LRRC49: variants seen among roughly 807,000 people sequenced by gnomAD.
The protein encoded by LRRC49 is leucine-rich repeat-containing protein 49.
LRRC49 carries 50 observed loss-of-function variants against 83.3 expected under a neutral mutation model. That is an observed-to-expected ratio of 0.60 (90% confidence interval 0.48 to 0.76). The LOEUF (loss-of-function observed/expected upper bound fraction) is 0.76. Ranked by LOEUF, LRRC49 falls within the 30% of genes least tolerant of loss-of-function variation. LRRC49 has a pLI of 0.00. For missense variants in LRRC49, 704 were observed against 809.1 expected (o/e 0.87, Z 1.58); for synonymous variants, 286 against 283.3 (o/e 1.01, Z -0.10).
chr15:70,882,597 G>T, intron 2 of LRRC49: 1 of 1,613,996 alleles, frequency 6.2e-7, no homozygotes, highest in Middle Eastern at 1.7e-4. Flanking sequence ...TCCTCTGTCT[G>T]AGTAGTTGCA....
intron 2 of LRRC49, among the ~76,000 whole-genome samples, chr15:70,883,696 C>A (rs1008763773): frequency 6.6e-6 from 1 of 150,890 alleles, no homozygotes; most frequent in Non-Finnish European, 1.5e-5. Context: ...TCACCCAGAC[C>A]GGAGTGCAGA....
At chr15:70,880,266 C>T (rs2033236659) in intron 2 of LRRC49, among the ~76,000 whole-genome samples, 1 of 152,208 alleles carries the variant, frequency 6.6e-6, no homozygotes, top group Non-Finnish European at 1.5e-5. Flanking sequence ...TTAACATCTT[C>T]TCCTACTTTG....
At chr15:71,026,825 G>A (rs1226416484) in intron 14 of LRRC49, among the ~76,000 whole-genome samples, 1 of 152,044 alleles carries the variant, frequency 6.6e-6, no homozygotes, top group Non-Finnish European at 1.5e-5. Context: ...TAAGTTCCTT[G>A]TAGATTCTGG....
intron 8 of LRRC49, among the ~76,000 whole-genome samples, chr15:70,939,049 A>G (rs1335948531): frequency 6.6e-6 from 1 of 152,204 alleles, no homozygotes; most frequent in African/African-American, 2.4e-5. Flanking sequence ...TTATTTTACT[A>G]TAGACAACAT....
intron 9 of LRRC49, among the ~76,000 whole-genome samples, chr15:70,975,675 A>G (rs2037180194): frequency 6.6e-6 from 1 of 152,176 alleles, no homozygotes; most frequent in South Asian, 2.1e-4. Flanking sequence ...CCTGGGGGAC[A>G]GAATGAGATC....
upstream of LRRC49, chr15:70,892,018 G>A (rs1165838376): frequency 6.2e-7 from 1 of 1,612,728 alleles, no homozygotes. Flanking sequence ...GGGTGGGCAC[G>A]GCGCCTGCCA....
chr15:70,984,368 C>A, intron 11 of LRRC49, 111 bp downstream of exon 11: 2 of 956,288 alleles, frequency 2.1e-6, no homozygotes, highest in Non-Finnish European at 1.5e-6. Context: ...CTTAAGAAAA[C>A]TTGCTGAAAT....
upstream of LRRC49, among the ~76,000 whole-genome samples, chr15:70,888,838 T>C (rs1595983285): frequency 3.3e-5 from 5 of 152,140 alleles, no homozygotes; most frequent in South Asian, 1.0e-3. Context: ...AATATCCAAT[T>C]AATATTTGAA....
chr15:70,986,535 C>A (rs919931811), intron 11 of LRRC49, among the ~76,000 whole-genome samples: 63 of 152,294 alleles, frequency 4.1e-4, no homozygotes, highest in African/African-American at 1.3e-3. Flanking sequence ...AGATTTTGGG[C>A]TGAGACATTG....
At chr15:70,949,668 C>A (rs1251160881) in intron 8 of LRRC49, among the ~76,000 whole-genome samples, 1 of 152,128 alleles carries the variant, frequency 6.6e-6, no homozygotes, top group African/African-American at 2.4e-5. Flanking sequence ...TACTTTAAAT[C>A]ATCTCTAGAT....
intron 9 of LRRC49, 114 bp downstream of exon 9, chr15:70,964,046 C>T (rs1378640357): frequency 9.7e-7 from 1 of 1,025,844 alleles, no homozygotes; most frequent in African/African-American, 1.6e-5. Flanking sequence ...TATGGGTTAT[C>T]ATGATTGTAT....
At chr15:71,003,331 C>A (rs1052808863) in intron 11 of LRRC49, among the ~76,000 whole-genome samples, 2 of 152,196 alleles carry the variant, frequency 1.3e-5, no homozygotes, top group Non-Finnish European at 2.9e-5. Flanking sequence ...TATTTGATTT[C>A]ATTCTGCCTG....
intron 9 of LRRC49, among the ~76,000 whole-genome samples, chr15:70,972,080 G>A (rs903665486): frequency 9.2e-5 from 14 of 152,026 alleles, no homozygotes; most frequent in African/African-American, 4.8e-5. Context: ...TCATAGTGTC[G>A]ATGGTCTTTA....
At chr15:70,906,464 C>G (rs966752080) in intron 5 of LRRC49, among the ~76,000 whole-genome samples, 1 of 152,172 alleles carries the variant, frequency 6.6e-6, no homozygotes, top group Non-Finnish European at 1.5e-5. Flanking sequence ...TGCAGTTATT[C>G]TTTAATATCA....
At chr15:71,032,238 C>T (rs1888675701) in intron 14 of LRRC49, among the ~76,000 whole-genome samples, 1 of 152,138 alleles carries the variant, frequency 6.6e-6, no homozygotes, top group African/African-American at 2.4e-5. Flanking sequence ...GAGGGAGATC[C>T]CTGGCTCCTT....
intron 1 of LRRC49, among the ~76,000 whole-genome samples, chr15:70,865,706 T>A (rs928886789): frequency 6.6e-5 from 10 of 152,216 alleles, no homozygotes; most frequent in African/African-American, 2.2e-4. Context: ...TGCCCCAGAC[T>A]TTCCCTGAGG....
chr15:70,892,269 G>T, upstream of LRRC49: 1 of 1,565,506 alleles, frequency 6.4e-7, no homozygotes, highest in East Asian at 2.4e-5. Flanking sequence ...CAACGGGCCG[G>T]CATGGCGGCC....
chr15:70,869,370 G>A (rs1047419435), intron 1 of LRRC49, among the ~76,000 whole-genome samples: 8 of 152,092 alleles, frequency 5.3e-5, no homozygotes, highest in Non-Finnish European at 1.2e-4. Context: ...CCCCTCTTCT[G>A]GAAGGAGCTT....
At chr15:70,903,954 T>C (rs559493345) in intron 4 of LRRC49, among the ~76,000 whole-genome samples, 1 of 152,324 alleles carries the variant, frequency 6.6e-6, no homozygotes, top group East Asian at 1.9e-4. Flanking sequence ...TGTAAACATA[T>C]ACTTAAAATC....
Sources: allele counts gnomAD v4.1 joint callset (sites outside exome capture counted in the v4.1 genomes callset), GRCh38; gene constraint gnomAD v4.1.1; transcripts MANE v1.5; gene names NCBI Gene and HGNC (gene_info 2026-07-23, HGNC 2026-07-21).